Variants in CEP128 observed in about 807,000 individuals in gnomAD.
The protein encoded by CEP128 is centrosomal protein 128, also known as centrosomal protein 128kDa.
A neutral mutation model predicts 156.7 loss-of-function variants in CEP128; 132 were observed. That is an observed-to-expected ratio of 0.84 (90% CI 0.73 to 0.97). The LOEUF is 0.97. Ranked by LOEUF, CEP128 falls within the 50% of genes least tolerant of loss-of-function variation. The probability of loss-of-function intolerance (pLI) is 0.00; values close to 1 mark genes in which losing one functional copy is unlikely to be tolerated. For missense variants in CEP128, 1,252 were observed against 1,281.9 expected, an observed-to-expected ratio of 0.98 and a Z score of 0.36; for synonymous variants, 469 against 448.9, an observed-to-expected ratio of 1.04 and a Z score of -0.57.
rs566708517 is a variant in CEP128 at position 80,793,157 on chromosome 14, T to C, written c.1210-47A>G. ...CATTAGGAACAAATCCTTGTCAAAA[T>C]TGGATGTGTAGCATATCATCAAACA... On this transcript the variant is annotated intron_variant, in intron 13 of 24. Coordinates refer to ENST00000555265, the MANE Select transcript of CEP128 (RefSeq NM_152446.5). The C allele has an allele frequency of 5.3e-5, 77 of 1,457,206 alleles. 1 individual carries two copies. The highest frequency in any genetic ancestry group is 3.6e-4 in the Middle Eastern group (2 of 5,520). 90.3% of individuals were successfully genotyped at this position (1,457,206 alleles called of 1,614,324 possible). A position where few individuals can be genotyped will look rare whatever the true frequency, so the allele number is the denominator to read the frequency against.
intron 18 of CEP128, among the ~76,000 whole-genome samples, chr14:80,748,504 C>T (rs2139625130): frequency 6.6e-6 from 1 of 152,162 alleles, no homozygotes; most frequent in East Asian, 1.9e-4. Flanking sequence ...ATGCTGAAGG[C>T]TGGAAATCAA....
intron 2 of CEP128, among the ~76,000 whole-genome samples, chr14:80,935,165 G>C (rs1841762051): frequency 6.6e-6 from 1 of 152,084 alleles, no homozygotes; most frequent in African/African-American, 2.4e-5. Flanking sequence ...GCAGTGGTGA[G>C]AAAGCAAAAA....
At chr14:80,582,567 C>T (rs1453679575) in intron 19 of CEP128, among the ~76,000 whole-genome samples, 1 of 151,994 alleles carries the variant, frequency 6.6e-6, no homozygotes, top group Non-Finnish European at 1.5e-5. Flanking sequence ...TAGCTTAGAT[C>T]TCTTGCCTAC....
In CEP128 at chr14:80,777,873, TA is replaced by T. The variant is rs1469935855; in HGVS notation, c.2376+8del. On this transcript the variant is annotated splice_region_variant and intron_variant, in intron 16 of 24. Transcript: ENST00000555265. The stretch of plus-strand genomic sequence containing the variant: ...AGAATTTGAAATTAGAATTCACTCA[TA>T]TTTTTACCCTTTCTTCTAGTTGATC... 6.4e-7 allele frequency: 1 copy of T among 1,563,476 alleles called. No individual in the cohort carries two copies. Among genetic ancestry groups the T allele is most frequent in the South Asian group, 1.2e-5 (1 of 86,870 alleles).
chr14:80,483,464 A>G (rs915448020), intron 14 of CEP128, among the ~76,000 whole-genome samples: 7 of 152,250 alleles, frequency 4.6e-5, no homozygotes, highest in African/African-American at 7.2e-5. Flanking sequence ...TGTGGTTTTC[A>G]TGCCATTCAT....
intron 23 of CEP128, among the ~76,000 whole-genome samples, chr14:80,507,477 G>C (rs965714655): frequency 4.6e-5 from 7 of 152,174 alleles, no homozygotes; most frequent in African/African-American, 1.7e-4. Context: ...TACAGGTGTG[G>C]CTGAAATTGC....
rs551112335 is a variant in CEP128 at position 80,757,467 on chromosome 14, T to C, written c.2554-516A>G. 9.5e-4 allele frequency among the ~76,000 whole-genome samples: 145 copies of C among 152,324 alleles called. 1 individual carries two copies. Among genetic ancestry groups the C allele is most frequent in the African/African-American group, 3.4e-3 (141 of 41,586 alleles). On this transcript the variant is annotated intron_variant, in intron 17 of 24. Transcript: ENST00000555265. ...ACATGACTTCACGCAAACATTGCCT[T>C]GTATTTCAATAGTTCATCTGCGCTA...
intron 19 of CEP128, among the ~76,000 whole-genome samples, chr14:80,705,305 GT>G (rs1448005249): frequency 6.6e-6 from 1 of 150,496 alleles, no homozygotes; most frequent in Non-Finnish European, 1.5e-5. Flanking sequence ...TGTGTGTTTT[GT>G]TTTTTTGTTT....
intron 2 of CEP128, among the ~76,000 whole-genome samples, chr14:80,954,197 G>T (rs1886540836): frequency 6.6e-6 from 1 of 152,048 alleles, no homozygotes; most frequent in African/African-American, 2.4e-5. Context: ...TTGAACCTCG[G>T]AGGCAAAGGT....
intron 16 of CEP128, among the ~76,000 whole-genome samples, chr14:80,765,370 G>A (rs1334014636): frequency 6.6e-6 from 1 of 152,172 alleles, no homozygotes; most frequent in Admixed American, 6.5e-5. Context: ...GTTAATCCAA[G>A]TATCCTGTTA....
intron 13 of CEP128, among the ~76,000 whole-genome samples, chr14:80,809,443 T>C (rs1033974901): frequency 3.3e-5 from 5 of 152,070 alleles, no homozygotes. Flanking sequence ...AAAAACCTAC[T>C]TAACAAAATA....
At chr14:80,766,102 C>A (rs1310524765) in intron 16 of CEP128, among the ~76,000 whole-genome samples, 2 of 152,100 alleles carry the variant, frequency 1.3e-5, no homozygotes, top group African/African-American at 2.4e-5. Flanking sequence ...CATAATATCC[C>A]AAACTTTTAA....
chr14:80,828,719 T>C (rs17111144), intron 13 of CEP128, among the ~76,000 whole-genome samples: 18,301 of 152,006 alleles, frequency 0.12, 1,567 homozygotes, highest in East Asian at 0.45. Flanking sequence ...CAAGACCACA[T>C]ATGAGGTTCT....
At chr14:80,913,077 TG>T (rs1203371368) in intron 4 of CEP128, among the ~76,000 whole-genome samples, 1 of 152,188 alleles carries the variant, frequency 6.6e-6, no homozygotes, top group Non-Finnish European at 1.5e-5. Flanking sequence ...TCCAGAACTC[TG>T]GAGTACATTT....
Position 80,887,009 on chromosome 14 carries a change from A to C in CEP128, c.645+8709T>G, listed in dbSNP as rs565401185. On this transcript the variant is annotated intron_variant, in intron 8 of 24. Coordinates refer to ENST00000555265, the MANE Select transcript of CEP128 (RefSeq NM_152446.5). The stretch of plus-strand genomic sequence containing the variant: ...AGTCTCTGATAAAACAGACTTTAAA[A>C]CAAAAAGATCAAAAAAGACAAAGGG... Among the ~76,000 whole-genome samples, 8 of 152,284 alleles carry C rather than the reference A, an allele frequency of 5.3e-5. No homozygotes were observed. In the South Asian group the frequency reaches 6.2e-4, roughly 12 times the overall value.
chr14:80,756,412 G>A (rs1024343202), intron 18 of CEP128, among the ~76,000 whole-genome samples: 1 of 152,024 alleles, frequency 6.6e-6, no homozygotes, highest in Non-Finnish European at 1.5e-5. Flanking sequence ...CAATCTCAGG[G>A]CATTATCTGT....
chr14:80,876,037 A>G (rs1888264898), intron 8 of CEP128, among the ~76,000 whole-genome samples: 1 of 152,160 alleles, frequency 6.6e-6, no homozygotes, highest in African/African-American at 2.4e-5. Context: ...AGAAAGAATT[A>G]AAACTGACAG....
At chr14:80,539,311 T>C (rs982943477) in intron 21 of CEP128, among the ~76,000 whole-genome samples, 1 of 152,180 alleles carries the variant, frequency 6.6e-6, no homozygotes, top group African/African-American at 2.4e-5. Flanking sequence ...GCAATGGTTT[T>C]GGAGCAGACT....
At chr14:80,946,356 GATGCCTCATGATGCATCATGA>G (rs1384211271), upstream of CEP128, among the ~76,000 whole-genome samples, 28 of 139,026 alleles carry the variant, frequency 2.0e-4, no homozygotes, top group Admixed American at 1.4e-4. Flanking sequence ...GCATCATGAT[GATGCCTCATGATGCATCATGA>G]TGATGCCTCA....
Sources: gnomAD v4.1 joint callset for allele counts (sites outside exome capture counted in the v4.1 genomes callset) on GRCh38, gnomAD v4.1.1 for gene constraint, MANE v1.5 for transcripts, NCBI Gene and HGNC (gene_info 2026-07-23, HGNC 2026-07-21) for gene names.